Variants in SIPA1L1 observed in about 807,000 individuals in gnomAD.
SIPA1L1 encodes the protein signal-induced proliferation-associated 1-like protein 1.
A neutral mutation model predicts 162.7 loss-of-function variants in SIPA1L1; 26 were observed. The ratio of observed to expected loss-of-function variants is 0.16; its 90% CI spans 0.12 to 0.22. The LOEUF (loss-of-function observed/expected upper bound fraction) is 0.22, where lower values mean the gene tolerates loss of function less well. SIPA1L1 is among the 10% of genes least tolerant of loss of function. The pLI, the probability that SIPA1L1 is intolerant of heterozygous loss-of-function variation, is 1.00. For missense variants in SIPA1L1, 1,874 were observed against 2,241.0 expected (o/e 0.84, Z 3.31); for synonymous variants, 829 against 837.4 (o/e 0.99, Z 0.17).
chr14:71,366,910 G>C (rs1216174387), intron 2 of SIPA1L1, among the ~76,000 whole-genome samples: 2 of 152,130 alleles, frequency 1.3e-5, no homozygotes, highest in Admixed American at 6.5e-5. Flanking sequence ...GCGTTTATTA[G>C]CTTGCTTTTC....
chr14:71,684,178 C>T lies in SIPA1L1; in HGVS notation c.3105-1184C>T, dbSNP rs1450610209. Among the ~76,000 whole-genome samples the T allele has an allele frequency of 3.9e-5, 6 of 152,332 alleles. No individual in the cohort carries two copies. In the East Asian group the frequency reaches 9.6e-4, roughly 24 times the overall value. The stretch of plus-strand genomic sequence containing the variant: ...GTAAGGATGGCAGCAGACGCCATTG[C>T]TCCTTCTGAGCACATGCTCCAAAAG... On this transcript the variant is annotated intron_variant, in intron 12 of 23. Transcript: ENST00000381232.
intron 2 of SIPA1L1, among the ~76,000 whole-genome samples, chr14:71,482,483 A>G (rs964848279): frequency 2.7e-5 from 4 of 150,280 alleles, no homozygotes; most frequent in Non-Finnish European, 5.9e-5. Flanking sequence ...TCTTCTGCCA[A>G]TTTTTCCCAA....
In SIPA1L1 at chr14:71,516,877, T is replaced by C. The variant is rs554107387; in HGVS notation, c.-362+4032T>C. Among the ~76,000 whole-genome samples, 89 of 151,924 alleles carry C rather than the reference T, an allele frequency of 5.9e-4. 1 individual carries two copies. The highest frequency in any genetic ancestry group is 1.9e-3 in the African/African-American group (79 of 41,462). ...AATCCCAGCTACTCAGGAGGCGGAG[T>C]CAGGAGAATTGCTTGAACCTGGGAG... On this transcript the variant is annotated intron_variant, in intron 3 of 23. Coordinates refer to ENST00000381232, the MANE Select transcript of SIPA1L1 (RefSeq NM_001386936.1).
At chr14:71,598,974 C>G (rs2036384415) in intron 5 of SIPA1L1, among the ~76,000 whole-genome samples, 1 of 152,116 alleles carries the variant, frequency 6.6e-6, no homozygotes, top group Admixed American at 6.5e-5. Flanking sequence ...CACACCCTTC[C>G]TGGTCTCTGA....
chr14:71,447,551 A>T (rs1171078509), intron 2 of SIPA1L1, among the ~76,000 whole-genome samples: 1 of 146,106 alleles, frequency 6.8e-6, no homozygotes, highest in East Asian at 2.1e-4. Context: ...TTTTAAAAGC[A>T]TGTACTGTGG....
At chr14:71,539,299 T>C (rs1407237673) in intron 4 of SIPA1L1, among the ~76,000 whole-genome samples, 1 of 152,220 alleles carries the variant, frequency 6.6e-6, no homozygotes, top group African/African-American at 2.4e-5. Flanking sequence ...TACTCTTTGC[T>C]TGTGTGGCCT....
intron 17 of SIPA1L1, among the ~76,000 whole-genome samples, chr14:71,710,080 C>T (rs936830017): frequency 1.3e-5 from 2 of 152,192 alleles, no homozygotes; most frequent in Admixed American, 6.5e-5. Context: ...AACAGAGCAT[C>T]GTTTGCGATG....
At chr14:71,598,295 G>C (rs763759511) in intron 5 of SIPA1L1, 17 of 856,240 alleles carry the variant, frequency 2.0e-5, no homozygotes, top group Non-Finnish European at 2.4e-5. Context: ...TGTTTCAGGA[G>C]AAATGGGAGG....
chr14:71,555,345 C>G (rs990242810), intron 4 of SIPA1L1, among the ~76,000 whole-genome samples: 1 of 152,198 alleles, frequency 6.6e-6, no homozygotes, highest in East Asian at 1.9e-4. Flanking sequence ...CCTGATGAAC[C>G]AATGTCTGCT....
In SIPA1L1 at chr14:71,343,234, C is replaced by G. The variant is rs190839504; in HGVS notation, c.-465+22053C>G. ...AACAGTATTGAGGACATGCCACCCT[C>G]AAACCTTGGTCCACCCACCATCAAT... On this transcript the variant is annotated intron_variant, in intron 2 of 23. Transcript: ENST00000381232. Among the ~76,000 whole-genome samples, 72 of 152,292 alleles carry G rather than the reference C, an allele frequency of 4.7e-4. 1 individual carries two copies. Among genetic ancestry groups the G allele is most frequent in the African/African-American group, 1.7e-3 (71 of 41,552 alleles).
Position 71,550,729 on chromosome 14 carries a change from T to G in SIPA1L1, c.-303+21359T>G, listed in dbSNP as rs923941481. Among the ~76,000 whole-genome samples the G allele has an allele frequency of 4.3e-4, 66 of 152,120 alleles. 1 individual carries two copies. The highest frequency in any genetic ancestry group is 8.1e-4 in the Non-Finnish European group (55 of 68,032). On this transcript the variant is annotated intron_variant, in intron 4 of 23. Transcript: ENST00000381232. Reference sequence around the variant, plus strand: ...AGACTTGTATTTCCAATTACTTTTCTGATATTTCCACCTTTATGTCCAATA... The same window carrying G: ...AGACTTGTATTTCCAATTACTTTTCGGATATTTCCACCTTTATGTCCAATA...
chr14:71,533,426 AG>A (rs1179035315), intron 4 of SIPA1L1, among the ~76,000 whole-genome samples: 2 of 152,208 alleles, frequency 1.3e-5, no homozygotes, highest in Non-Finnish European at 2.9e-5. Context: ...AAGGACAAGC[AG>A]ATTTATTCAT....
Position 71,427,267 on chromosome 14 carries a change from C to T in SIPA1L1, c.-464-85476C>T, listed in dbSNP as rs111507241. On this transcript the variant is annotated intron_variant, in intron 2 of 23. Transcript: ENST00000381232. ...TTTTTGTCTGAGAATGTCTTCATTT[C>T]GCACCCACTTTTGAAGGACAGTTTT... 2.5e-3 allele frequency among the ~76,000 whole-genome samples: 373 copies of T among 151,726 alleles called. 1 individual carries two copies. Among genetic ancestry groups the T allele is most frequent in the African/African-American group, 8.4e-3 (346 of 41,420 alleles).
intron 4 of SIPA1L1, among the ~76,000 whole-genome samples, chr14:71,584,029 A>G (rs2034278932): frequency 6.6e-6 from 1 of 152,164 alleles, no homozygotes; most frequent in Non-Finnish European, 1.5e-5. Context: ...GTCTCATCCT[A>G]ATACACTCAG....
intron 17 of SIPA1L1, among the ~76,000 whole-genome samples, chr14:71,713,491 A>G (rs2083032591): frequency 6.6e-6 from 1 of 152,270 alleles, no homozygotes; most frequent in Non-Finnish European, 1.5e-5. Context: ...AATATCAGTC[A>G]GGATCTAGAT....
At chr14:71,732,365 G>C (rs2084872231) in intron 20 of SIPA1L1, among the ~76,000 whole-genome samples, 1 of 152,070 alleles carries the variant, frequency 6.6e-6, no homozygotes, top group Non-Finnish European at 1.5e-5. Context: ...ACCTTCCAAG[G>C]GTGCTCCTTC....
At position 71,330,523 on chromosome 14, in the gene SIPA1L1, G is replaced by A. The variant is rs987869923; in HGVS notation, c.-465+9342G>A. On this transcript the variant is annotated intron_variant, in intron 2 of 23. Transcript: ENST00000381232. ...TCCTGCTCTATGTGCATCAGAGTCAGGAATCACCTTGGAGATGAAGATGCC... is the reference window on the plus strand; with the variant it reads ...TCCTGCTCTATGTGCATCAGAGTCAAGAATCACCTTGGAGATGAAGATGCC... 1.3e-5 allele frequency: 20 copies of A among 1,569,690 alleles called. No homozygotes were observed. The Middle Eastern group carries it at 1.3e-3, about 103-fold the overall frequency.
rs140748476 is a variant in SIPA1L1, at chr14:71,545,195, A to G, written c.-303+15825A>G. On this transcript the variant is annotated intron_variant, in intron 4 of 23. Coordinates refer to ENST00000381232, the MANE Select transcript of SIPA1L1 (RefSeq NM_001386936.1). The stretch of plus-strand genomic sequence containing the variant: ...CTTTTAATTGCTTTGTATATTATAG[A>G]TCCTTTGAATATCCCTGTAAATTTT... Among the ~76,000 whole-genome samples, 41 of 152,240 alleles carry G rather than the reference A, an allele frequency of 2.7e-4. No homozygotes were observed. In the East Asian group the frequency reaches 7.5e-3, roughly 28 times the overall value.
At chr14:71,672,297 A>G in intron 11 of SIPA1L1, 51 bp from the exon 12 acceptor site, 1 of 1,580,524 alleles carries the variant, frequency 6.3e-7, no homozygotes, top group Non-Finnish European at 8.7e-7. Flanking sequence ...CATGTCCACC[A>G]CTTAATACCC....
Sources: allele counts gnomAD v4.1 joint callset (sites outside exome capture counted in the v4.1 genomes callset), GRCh38; gene constraint gnomAD v4.1.1; transcripts MANE v1.5; gene names NCBI Gene and HGNC (gene_info 2026-07-23, HGNC 2026-07-21).